The following BRINP3 variants were observed in gnomAD, a reference collection of about 807,000 sequenced individuals.
BRINP3 encodes BMP/retinoic acid inducible neural specific 3.
A neutral mutation model predicts 71.0 loss-of-function variants in BRINP3; 19 were observed. The observed-to-expected ratio is 0.27, with a 90% CI of 0.19 to 0.39. The LOEUF is 0.39. Ranked by LOEUF, BRINP3 falls within the 10% of genes least tolerant of loss-of-function variation. BRINP3 has a pLI of 1.00. For synonymous variants in BRINP3, 380 were observed against 337.7 expected (o/e 1.13, Z -1.37); for missense variants, 959 against 940.8 (o/e 1.02, Z -0.25).
rs1245394492 is a variant in BRINP3 at position 190,301,212 on chromosome 1, T to TATACACACATAC, written c.237-19463_237-19462insGTATGTGTGTAT. On this transcript the variant is annotated intron_variant, in intron 2 of 7. Coordinates refer to ENST00000367462, the MANE Select transcript of BRINP3 (RefSeq NM_199051.3). ...GTATATATATACACATACATATATATATATATATATATATATATATATACA... is the reference window on the plus strand; with the variant it reads ...GTATATATATACACATACATATATATATACACACATACATATATATATATATATATATATACA... Among the ~76,000 whole-genome samples the TATACACACATAC allele has an allele frequency of 1.5e-3, 103 of 68,280 alleles. 2 individuals are homozygous for TATACACACATAC. The highest frequency in any genetic ancestry group is 0.013 in the Middle Eastern group (2 of 150). 44.8% of individuals were successfully genotyped at this position (68,280 alleles called of 152,430 possible).
At chr1:190,220,566 A>G (rs116520279) in intron 6 of BRINP3, among the ~76,000 whole-genome samples, 1,596 of 152,232 alleles carry the variant, frequency 0.01, 25 homozygotes, top group African/African-American at 0.036. Context: ...AGCAAATAAC[A>G]TAAAAGACAT....
At chr1:190,104,918 A>G (rs1652020412) in intron 7 of BRINP3, among the ~76,000 whole-genome samples, 1 of 152,048 alleles carries the variant, frequency 6.6e-6, no homozygotes, top group Non-Finnish European at 1.5e-5. Flanking sequence ...TAAACTATAT[A>G]ATTTCAGAAT....
intron 7 of BRINP3, among the ~76,000 whole-genome samples, chr1:190,157,500 G>A (rs1235250533): frequency 6.6e-6 from 1 of 151,964 alleles, no homozygotes; most frequent in Non-Finnish European, 1.5e-5. Context: ...TAGTTAAAAA[G>A]AACCCTAAAG....
intron 7 of BRINP3, among the ~76,000 whole-genome samples, chr1:190,123,614 T>C (rs1275799370): frequency 6.6e-6 from 1 of 152,146 alleles, no homozygotes; most frequent in Admixed American, 6.6e-5. Context: ...CAAGTACCAA[T>C]TAGTACTACT....
chr1:190,102,613 G>T (rs1009937860), intron 7 of BRINP3, among the ~76,000 whole-genome samples: 4 of 151,770 alleles, frequency 2.6e-5, no homozygotes. Context: ...AAGGAAAAAA[G>T]GAAGGGAGAA....
At position 190,246,479 on chromosome 1, in the gene BRINP3, C is replaced by T. The variant is rs563355077; in HGVS notation, c.619-12002G>A. On this transcript the variant is annotated intron_variant, in intron 4 of 7. Transcript: ENST00000367462. ...AACCATACAACCAGGTGATTGTTAGCTCACTTAACACTAAAATGCACCAAG... is the reference window on the plus strand; with the variant it reads ...AACCATACAACCAGGTGATTGTTAGTTCACTTAACACTAAAATGCACCAAG... Among the ~76,000 whole-genome samples the T allele has an allele frequency of 6.6e-5, 10 of 151,884 alleles. No individual in the cohort carries two copies. In the South Asian group the frequency reaches 2.1e-3, roughly 32 times the overall value.
chr1:190,467,115 A>G (rs1208165346), intron 1 of BRINP3, among the ~76,000 whole-genome samples: 1 of 151,582 alleles, frequency 6.6e-6, no homozygotes, highest in Non-Finnish European at 1.5e-5. Flanking sequence ...ACTTTTCTCT[A>G]TAATGAAGAA....
intron 6 of BRINP3, among the ~76,000 whole-genome samples, chr1:190,166,705 G>A (rs949721880): frequency 1.3e-5 from 2 of 151,960 alleles, no homozygotes; most frequent in African/African-American, 4.8e-5. Flanking sequence ...TAGCAGTGTT[G>A]ACCTCACTAA....
intron 2 of BRINP3, among the ~76,000 whole-genome samples, chr1:190,321,699 A>G (rs2103052573): frequency 6.6e-6 from 1 of 152,216 alleles, no homozygotes; most frequent in South Asian, 2.1e-4. Flanking sequence ...TTTGCTTTGG[A>G]AACATCATGA....
At chr1:190,211,261 A>C (rs986525315) in intron 6 of BRINP3, among the ~76,000 whole-genome samples, 1 of 152,106 alleles carries the variant, frequency 6.6e-6, no homozygotes, top group Admixed American at 6.6e-5. Flanking sequence ...GCAAGACTCC[A>C]TCTCAAAAAC....
At chr1:190,179,691 A>G (rs1403610913) in intron 6 of BRINP3, among the ~76,000 whole-genome samples, 1 of 152,174 alleles carries the variant, frequency 6.6e-6, no homozygotes, top group African/African-American at 2.4e-5. Context: ...TGCTTTGCAT[A>G]TAAAGTGAAT....
intron 7 of BRINP3, among the ~76,000 whole-genome samples, chr1:190,108,966 T>A (rs1006150000): frequency 6.6e-6 from 1 of 152,144 alleles, no homozygotes; most frequent in African/African-American, 2.4e-5. Context: ...TTGAAGAGCT[T>A]CATCTGTTCA....
chr1:190,176,762 G>A (rs1440008164), intron 6 of BRINP3, among the ~76,000 whole-genome samples: 1 of 152,084 alleles, frequency 6.6e-6, no homozygotes, highest in Non-Finnish European at 1.5e-5. Context: ...CACCCTTATT[G>A]TGATCCTTTG....
chr1:190,255,382 G>T (rs1571529431), intron 4 of BRINP3, among the ~76,000 whole-genome samples: 2 of 151,932 alleles, frequency 1.3e-5, no homozygotes, highest in Admixed American at 1.3e-4. Context: ...TTGTACCCCT[G>T]GTATAATTTG....
chr1:190,244,520 G>A (rs866063615), intron 4 of BRINP3, among the ~76,000 whole-genome samples: 1 of 152,018 alleles, frequency 6.6e-6, no homozygotes, highest in Non-Finnish European at 1.5e-5. Flanking sequence ...AGGTGCAAAT[G>A]TCAAGTGCTG....
chr1:190,289,897 A>T (rs1370480144), intron 2 of BRINP3, among the ~76,000 whole-genome samples: 2 of 151,920 alleles, frequency 1.3e-5, no homozygotes, highest in Non-Finnish European at 2.9e-5. Flanking sequence ...TCACTCTTTG[A>T]TTCATGTTTC....
intron 6 of BRINP3, among the ~76,000 whole-genome samples, chr1:190,199,771 G>GAAAAAAAAA (rs35752025): frequency 7.3e-5 from 9 of 123,454 alleles, no homozygotes; most frequent in African/African-American, 2.1e-4. Context: ...CAAGGCATAG[G>GAAAAAAAAA]AAAAAAAAAA....
intron 2 of BRINP3, among the ~76,000 whole-genome samples, chr1:190,440,404 G>A (rs1345170134): frequency 1.3e-5 from 2 of 151,856 alleles, no homozygotes; most frequent in African/African-American, 4.8e-5. Flanking sequence ...TGACCTTAAA[G>A]AAATAAAACC....
chr1:190,367,363 C>T (rs1256901171), intron 2 of BRINP3, among the ~76,000 whole-genome samples: 1 of 152,188 alleles, frequency 6.6e-6, no homozygotes, highest in Non-Finnish European at 1.5e-5. Context: ...ATGCAGGACA[C>T]CATGTCCCGA....
Sources: allele counts gnomAD v4.1 joint callset (sites outside exome capture counted in the v4.1 genomes callset), GRCh38; gene constraint gnomAD v4.1.1; transcripts MANE v1.5; gene names NCBI Gene and HGNC (gene_info 2026-07-23, HGNC 2026-07-21).